The following HIBADH variants were observed in gnomAD, a reference collection of about 807,000 sequenced individuals.
HIBADH encodes the protein 3-hydroxyisobutyrate dehydrogenase, also known as 3-hydroxyisobutyrate dehydrogenase, mitochondrial.
Under a neutral mutation model 36.1 loss-of-function variants are expected in HIBADH, and 25 were observed. That is an observed-to-expected ratio of 0.69 (90% CI 0.50 to 0.97). The LOEUF is 0.97. Among genes scored for constraint, HIBADH ranks in the 50% least tolerant of loss-of-function variants. The pLI is 0.00. For synonymous variants in HIBADH, 160 were observed against 149.5 expected, an observed-to-expected ratio of 1.07 and a Z score of -0.51; for missense variants, 421 against 418.0, an observed-to-expected ratio of 1.01 and a Z score of -0.06.
chr7:27,529,334 T>C (rs1200780682), intron 7 of HIBADH, among the ~76,000 whole-genome samples: 1 of 152,240 alleles, frequency 6.6e-6, no homozygotes, highest in Non-Finnish European at 1.5e-5. Flanking sequence ...CTGACAGCTC[T>C]GGGCAGAGTA....
At chr7:27,538,601 G>T (rs187500469) in intron 5 of HIBADH, among the ~76,000 whole-genome samples, 184 bp from the exon 6 acceptor site, 36 of 152,218 alleles carry the variant, frequency 2.4e-4, no homozygotes, top group African/African-American at 8.7e-4. Context: ...TGCTATCCCA[G>T]AGCAGACTTG....
chr7:27,645,186 G>A (rs1025196957), intron 2 of HIBADH, among the ~76,000 whole-genome samples: 4 of 151,862 alleles, frequency 2.6e-5, no homozygotes, highest in South Asian at 4.2e-4. Flanking sequence ...AAATTGCTGG[G>A]TCATGGCATA....
intron 4 of HIBADH, among the ~76,000 whole-genome samples, chr7:27,553,254 A>G (rs1362684051): frequency 6.6e-6 from 1 of 152,210 alleles, no homozygotes; most frequent in Non-Finnish European, 1.5e-5. Flanking sequence ...AAACCACAAT[A>G]CACAGCAGCA....
intron 6 of HIBADH, among the ~76,000 whole-genome samples, chr7:27,535,553 C>A (rs182409654): frequency 2.0e-5 from 3 of 152,082 alleles, no homozygotes; most frequent in Admixed American, 2.0e-4. Flanking sequence ...TCCAGTGGAG[C>A]TGGTAATTTA....
At chr7:27,643,623 A>G (rs900280609) in intron 2 of HIBADH, among the ~76,000 whole-genome samples, 5 of 152,210 alleles carry the variant, frequency 3.3e-5, no homozygotes, top group African/African-American at 9.6e-5. Flanking sequence ...TAGATTCCCA[A>G]TGTTTGCTAC....
chr7:27,580,401 TAAC>T (rs996795831), intron 4 of HIBADH, among the ~76,000 whole-genome samples: 14 of 152,064 alleles, frequency 9.2e-5, no homozygotes, highest in East Asian at 3.8e-4. Context: ...CAGTTCCCAA[TAAC>T]AACAACAACA....
chr7:27,657,860 G>A (rs1006909961), intron 1 of HIBADH, among the ~76,000 whole-genome samples: 3 of 152,114 alleles, frequency 2.0e-5, no homozygotes, highest in African/African-American at 7.2e-5. Context: ...ATCAATAAAA[G>A]TACCTACTTC....
intron 7 of HIBADH, among the ~76,000 whole-genome samples, chr7:27,527,755 C>CTTTTT (rs10629006): frequency 0.61 from 80,108 of 131,406 alleles, 25,291 homozygotes; most frequent in East Asian, 0.93. Flanking sequence ...CAATCAGTAA[C>CTTTTT]TTTTTTTTTT....
intron 4 of HIBADH, among the ~76,000 whole-genome samples, chr7:27,615,021 G>A (rs1785402234): frequency 6.6e-6 from 1 of 152,170 alleles, no homozygotes. Context: ...GAAATGTTAA[G>A]CCTCTAATCT....
chr7:27,599,680 CAAAA>C (rs3072889), intron 4 of HIBADH, among the ~76,000 whole-genome samples: 8 of 41,086 alleles, frequency 1.9e-4, no homozygotes, highest in African/African-American at 5.9e-4. Context: ...ACTCTGTCTC[CAAAA>C]AAAAAAAAAA....
chr7:27,573,559 G>A (rs898656365), intron 4 of HIBADH, among the ~76,000 whole-genome samples: 1 of 152,134 alleles, frequency 6.6e-6, no homozygotes, highest in Admixed American at 6.5e-5. Context: ...AGTGGAAGAA[G>A]TATAGGAAAA....
intron 4 of HIBADH, among the ~76,000 whole-genome samples, chr7:27,563,511 C>T (rs1784497644): frequency 6.6e-6 from 1 of 152,176 alleles, no homozygotes; most frequent in Admixed American, 6.5e-5. Flanking sequence ...TTTGCATCTC[C>T]ACTAGGAATA....
chr7:27,548,737 T>C (rs1365715792), intron 4 of HIBADH, among the ~76,000 whole-genome samples: 2 of 151,918 alleles, frequency 1.3e-5, no homozygotes, highest in African/African-American at 4.8e-5. Context: ...AAAATATAAT[T>C]AGGGAAAAGA....
At chr7:27,645,385 T>TTTTTTTTTTTG (rs1786049339) in intron 2 of HIBADH, among the ~76,000 whole-genome samples, 1 of 131,828 alleles carries the variant, frequency 7.6e-6, no homozygotes, top group Non-Finnish European at 1.6e-5. Context: ...TTTTTTTTTT[T>TTTTTTTTTTTG]TTTTTTTTTT....
At chr7:27,580,691 G>A (rs1273979515) in intron 4 of HIBADH, among the ~76,000 whole-genome samples, 2 of 152,096 alleles carry the variant, frequency 1.3e-5, no homozygotes, top group African/African-American at 4.8e-5. Context: ...CCTACTATTG[G>A]ATTATGTATT....
chr7:27,574,373 G>GAA (rs1183366768), intron 4 of HIBADH, among the ~76,000 whole-genome samples: 2 of 151,862 alleles, frequency 1.3e-5, no homozygotes. Flanking sequence ...ATTTCCCACA[G>GAA]AAATATGATG....
At chr7:27,639,088 G>T (rs1785911065) in intron 2 of HIBADH, among the ~76,000 whole-genome samples, 1 of 152,058 alleles carries the variant, frequency 6.6e-6, no homozygotes, top group Non-Finnish European at 1.5e-5. Flanking sequence ...CCCATTATTG[G>T]GTACATACCC....
chr7:27,620,371 G>A (rs1173606063), intron 4 of HIBADH, among the ~76,000 whole-genome samples: 3 of 151,982 alleles, frequency 2.0e-5, no homozygotes, highest in Non-Finnish European at 4.4e-5. Context: ...AAAGCATCTG[G>A]TCACCTATAA....
intron 2 of HIBADH, among the ~76,000 whole-genome samples, chr7:27,646,482 G>A (rs1583618110): frequency 1.3e-5 from 2 of 151,970 alleles, no homozygotes; most frequent in Admixed American, 1.3e-4. Flanking sequence ...ACCACAGACA[G>A]TACCAAATCC....
Sources: gnomAD v4.1 joint callset for allele counts (sites outside exome capture counted in the v4.1 genomes callset) on GRCh38, gnomAD v4.1.1 for gene constraint, MANE v1.5 for transcripts, NCBI Gene and HGNC (gene_info 2026-07-23, HGNC 2026-07-21) for gene names.